Variants in CSPG4 observed in about 807,000 individuals in gnomAD.
CSPG4 encodes chondroitin sulfate proteoglycan 4 (melanoma-associated).
CSPG4 carries 74 observed loss-of-function variants against 139.3 expected under a neutral mutation model. That is an observed-to-expected ratio of 0.53 (90% CI 0.44 to 0.64). CSPG4 has a LOEUF of 0.64. CSPG4 is among the 30% of genes least tolerant of loss of function. CSPG4 has a pLI of 0.00. For missense variants in CSPG4, 2,565 were observed against 3,148.3 expected, an observed-to-expected ratio of 0.81 and a Z score of 4.43; for synonymous variants, 1,234 against 1,394.2, an observed-to-expected ratio of 0.89 and a Z score of 2.56.
At position 75,693,223 on chromosome 15, in the gene CSPG4, G is replaced by A. The variant is rs1234757339; in HGVS notation, c.99C>T (p.Phe33=). ...CAGGCACCTCCAGGTGGTTCTCACC[G>A]AAGAAGGAAGCTGTGTGAGAGAGGG... is the stretch of plus-strand genomic sequence containing the variant. ...LARLASAASF[F]GENHLEVPVA... Residue 33 remains phenylalanine (F), a synonymous_variant, in exon 2 of 10, where the codon TTC becomes TTT. Transcript: ENST00000308508. 1.1e-5 allele frequency: 17 copies of A among 1,603,624 alleles called. No homozygotes were observed. Among genetic ancestry groups the A allele is most frequent in the Non-Finnish European group, 1.4e-5 (16 of 1,175,300 alleles).
Position 75,689,762 on chromosome 15 carries a change from T to C in CSPG4, c.1303A>G (p.Ser435Gly). The C allele has an allele frequency of 6.2e-7, 1 of 1,612,598 alleles. No homozygotes were observed. Among genetic ancestry groups the C allele is most frequent in the Non-Finnish European group, 8.5e-7 (1 of 1,179,638 alleles). Residue 435 changes from serine to glycine, a missense_variant, in exon 3 of 10, where the codon AGC becomes GGC. Around this residue, in one of 5 missense-constraint regions of CSPG4, gnomAD observed 2,316 missense variants for 2,818.2 expected, o/e 0.82. Transcript: ENST00000308508. ...CCCCCCTCGGCCACCACCAGTGGGC[T>C]GATAGTCAGCAGCTGGGTGAAATTG... Reference protein sequence around the residue: ...FANFTQLLTISPLVVAEGGTA... With the variant: ...FANFTQLLTIGPLVVAEGGTA...
Position 75,684,822 on chromosome 15 carries a change from G to A in CSPG4, c.4363C>T (p.Arg1455Cys), listed in dbSNP as rs376454040. Residue 1455 changes from arginine to cysteine, a missense_variant, in exon 5 of 10, where the codon CGC (arginine) becomes TGC (cysteine). Arg to Cys is a radical substitution (Grantham distance 180). Transcript: ENST00000308508. ...VLMANASEMD[R>C]QSHPVAFTVT... ...GTGAAGGCCACAGGATGGCTCTGGCGATCCATCTCGGAGGCATTAGCCATC... is the reference window on the plus strand; with the variant it reads ...GTGAAGGCCACAGGATGGCTCTGGCAATCCATCTCGGAGGCATTAGCCATC... The A allele has an allele frequency of 2.0e-5, 32 of 1,613,600 alleles. No homozygotes were observed. Among genetic ancestry groups the A allele is most frequent in the African/African-American group, 4.0e-5 (3 of 75,040 alleles).
In CSPG4 at chr15:75,690,690, G is replaced by A. The variant is rs560964178; in HGVS notation, c.375C>T (p.Val125=). Reference sequence around the variant, plus strand: ...CTGAGGAGGCGTTCAGAAACCCATCGACTGACAACGTGGCCCAGCCCTCTA... The same window carrying A: ...CTGAGGAGGCGTTCAGAAACCCATCAACTGACAACGTGGCCCAGCCCTCTA... ...TVVEGWATLS[V]DGFLNASSAV... Residue 125 remains valine, a synonymous_variant, in exon 3 of 10, where the codon GTC becomes GTT. Coordinates refer to ENST00000308508, the MANE Select transcript of CSPG4 (RefSeq NM_001897.5). 5.6e-6 allele frequency: 9 copies of A among 1,612,944 alleles called. No homozygotes were observed. The highest frequency in any genetic ancestry group is 2.7e-5 in the African/African-American group (2 of 75,022).
rs1387126474 is a variant in CSPG4 at position 75,683,034 on chromosome 15, T to C, written c.4457A>G (p.Glu1486Gly). Residue 1486 changes from glutamate to glycine, a missense_variant, in exon 6 of 10, where the codon GAG (glutamate) becomes GGG (glycine). Around this residue, in one of 5 missense-constraint regions of CSPG4, gnomAD observed 2,316 missense variants for 2,818.2 expected, o/e 0.82. Transcript: ENST00000308508. ...CGCAGGGATGGGCGCAGTGGCCCCC[T>C]CCCACATCTGGGAACACAGGCCTGT... Reference protein sequence around the residue: ...LTTNTGLQMWEGATAPIPAEA... With the variant: ...LTTNTGLQMWGGATAPIPAEA... 1 of 1,609,660 alleles carries C rather than the reference T, an allele frequency of 6.2e-7. No individual in the cohort carries two copies. Among genetic ancestry groups the C allele is most frequent in the African/African-American group, 1.3e-5 (1 of 74,908 alleles).
chr15:75,677,668 T>C (rs557385711), intron 9 of CSPG4, 35 bp downstream of exon 9: 2 of 1,561,056 alleles, frequency 1.3e-6, no homozygotes, highest in Admixed American at 3.8e-5. Flanking sequence ...CCATTGTCCC[T>C]CCCCACAATC....
At chr15:75,691,376 G>A (rs537081834) in intron 2 of CSPG4, among the ~76,000 whole-genome samples, 5 of 152,284 alleles carry the variant, frequency 3.3e-5, no homozygotes, top group South Asian at 2.1e-4. Flanking sequence ...TGTGGTCCTC[G>A]CCCACAAGGA....
chr15:75,686,225 C>T (rs904793248), intron 3 of CSPG4, among the ~76,000 whole-genome samples: 1 of 152,224 alleles, frequency 6.6e-6, no homozygotes, highest in Non-Finnish European at 1.5e-5. Flanking sequence ...CACAGACACA[C>T]GAGTTCATCA....
chr15:75,705,870 T>C (rs980568694), intron 1 of CSPG4, among the ~76,000 whole-genome samples: 3 of 152,140 alleles, frequency 2.0e-5, no homozygotes, highest in Admixed American at 1.3e-4. Flanking sequence ...TCTGTGTGCA[T>C]ATGTGTGTGT....
chr15:75,705,571 CAGAA>C (rs753713121), intron 1 of CSPG4, among the ~76,000 whole-genome samples: 9 of 152,358 alleles, frequency 5.9e-5, no homozygotes, highest in Non-Finnish European at 1.2e-4. Flanking sequence ...AACTGAGGCT[CAGAA>C]AGACAGAGTC....
Position 75,712,668 on chromosome 15 carries a change from C to A in CSPG4, c.88G>T (p.Ala30Ser), listed in dbSNP as rs1187268182. 15 of 1,558,900 alleles carry A rather than the reference C, an allele frequency of 9.6e-6. No homozygotes were observed. Among genetic ancestry groups the A allele is most frequent in the Non-Finnish European group, 1.3e-5 (15 of 1,151,820 alleles). ...LTMLARLASA[A>S]SFFGENHLEV... ...TCGGGGTCTCAGGCCCCTCACTCAC[C>A]CGCGGATGCAAGTCTGGCCAACATA... The change falls in exon 1 of 10, where the codon GCT becomes TCT. Residue 30 changes from alanine (A) to serine (S), a missense_variant and splice_region_variant. By Grantham distance (99) the Ala-to-Ser change is moderately conservative (BLOSUM62 1). Coordinates refer to ENST00000308508, the MANE Select transcript of CSPG4 (RefSeq NM_001897.5).
chr15:75,690,628 A>G lies in CSPG4; in HGVS notation c.437T>C (p.Leu146Pro). 1.9e-6 allele frequency: 3 copies of G among 1,610,610 alleles called. No homozygotes were observed. Among genetic ancestry groups the G allele is most frequent in the Non-Finnish European group, 2.5e-6 (3 of 1,179,446 alleles). The change falls in exon 3 of 10, where the codon CTC (leucine) becomes CCC (proline). Residue 146 changes from leucine to proline, a missense_variant. Leu to Pro is a moderately conservative substitution (Grantham distance 98). This residue lies in a region of CSPG4 where 132 missense variants were observed against 132.3 expected (regional missense o/e 1.00). Coordinates refer to ENST00000308508, the MANE Select transcript of CSPG4 (RefSeq NM_001897.5). ...AAGGGTCCCAGTGCCCCCAACAAAGAGCCCATAGGGGACCTCTAGGGGGGC... is the reference window on the plus strand; with the variant it reads ...AAGGGTCCCAGTGCCCCCAACAAAGGGCCCATAGGGGACCTCTAGGGGGGC... Reference protein sequence around the residue: ...PGAPLEVPYGLFVGGTGTLGL... With the variant: ...PGAPLEVPYGPFVGGTGTLGL...
At chr15:75,691,092 TG>T (rs1406702885) in intron 2 of CSPG4, among the ~76,000 whole-genome samples, 4 of 152,172 alleles carry the variant, frequency 2.6e-5, no homozygotes, top group Non-Finnish European at 4.4e-5. Flanking sequence ...GAGAATTGCT[TG>T]AACTCGGGAG....
rs576103260 is a variant in CSPG4 at position 75,686,414 on chromosome 15, C to T, written c.3790-713G>A. Among the ~76,000 whole-genome samples the T allele has an allele frequency of 3.3e-5, 5 of 152,330 alleles. No homozygotes were observed. The South Asian group carries it at 6.2e-4, about 19-fold the overall frequency. The stretch of plus-strand genomic sequence containing the variant: ...GCCCCACCCCTCCTGGAGGCACAGC[C>T]GCCTTCAGCTCAGGCCCTACAGAGC... On this transcript the variant is annotated intron_variant, in intron 3 of 9. Coordinates refer to ENST00000308508, the MANE Select transcript of CSPG4 (RefSeq NM_001897.5).
In CSPG4 at chr15:75,687,198, C is replaced by T. The variant is rs1267010504; in HGVS notation, c.3789+78G>A. ...GCCACCACAGCCACAGCCCAAGTCA[C>T]GTGTGTTCCTGGCATGGAGGCTGGG... On this transcript the variant is annotated intron_variant, in intron 3 of 9. Coordinates refer to ENST00000308508, the MANE Select transcript of CSPG4 (RefSeq NM_001897.5). This position sits in a 1 kb window ranked among gnomAD's most constrained non-coding sequence, Gnocchi z 5.4. The T allele has an allele frequency of 3.0e-5, 46 of 1,550,000 alleles. No homozygotes were observed. The highest frequency in any genetic ancestry group is 1.0e-4 in the Admixed American group (6 of 59,772).
chr15:75,703,652 T>C (rs922946860), intron 1 of CSPG4, among the ~76,000 whole-genome samples: 1 of 149,774 alleles, frequency 6.7e-6, no homozygotes, highest in Non-Finnish European at 1.5e-5. Flanking sequence ...GGCCGGGACC[T>C]TGAGGGACAG....
chr15:75,697,189 T>A (rs1239026656), intron 1 of CSPG4, among the ~76,000 whole-genome samples: 1 of 152,188 alleles, frequency 6.6e-6, no homozygotes, highest in Non-Finnish European at 1.5e-5. Context: ...TGTCCCTGTA[T>A]CTGCCCCATC....
Position 75,687,596 on chromosome 15 carries a change from C to T in CSPG4, c.3469G>A (p.Asp1157Asn), listed in dbSNP as rs753948018. The T allele has an allele frequency of 4.3e-6, 7 of 1,610,938 alleles. No homozygotes were observed. The highest frequency in any genetic ancestry group is 1.7e-5 in the Admixed American group (1 of 59,936). The part of the protein sequence containing the change: ...TAVLHLDTNL[D>N]IRSGDEVHYH... ...TGGACCTCATCCCCACTGCGGATGT[C>T]GAGGTTGGTGTCCAGGTGGAGCACG... The change falls in exon 3 of 10, where the codon GAC (aspartate) becomes AAC (asparagine). Residue 1157 changes from aspartate to asparagine, a missense_variant. By Grantham distance (23) the Asp-to-Asn change is conservative. Transcript: ENST00000308508. This position sits in a 1 kb window ranked among gnomAD's most constrained non-coding sequence, Gnocchi z 5.4.
intron 3 of CSPG4, among the ~76,000 whole-genome samples, chr15:75,686,088 C>T (rs1260312696): frequency 6.6e-6 from 1 of 152,186 alleles, no homozygotes; most frequent in Admixed American, 6.5e-5. Flanking sequence ...TGGGGTTTCA[C>T]TGGGTTGCCC....
In CSPG4 at chr15:75,682,970, C is replaced by G. The variant is rs747238027; in HGVS notation, c.4521G>C (p.Glu1507Asp). The G allele has an allele frequency of 3.1e-6, 5 of 1,611,598 alleles. No homozygotes were observed. The highest frequency in any genetic ancestry group is 4.2e-6 in the Non-Finnish European group (5 of 1,179,706). Residue 1507 changes from glutamate to aspartate, a missense_variant, in exon 6 of 10, where the codon GAG (glutamate) becomes GAC (aspartate). Transcript: ENST00000308508. ...GCTGCTCGATGGTGTAGACCAGATC[C>G]TCAGACCCAGAGTCGCCGTCCGTGC... is the stretch of plus-strand genomic sequence containing the variant. ...LRSTDGDSGSEDLVYTIEQPS... is the reference protein window; with the variant it reads ...LRSTDGDSGSDDLVYTIEQPS...
Sources: gnomAD v4.1 joint callset for allele counts (sites outside exome capture counted in the v4.1 genomes callset) on GRCh38, gnomAD v4.1.1 for gene constraint, gnomAD v4.1.1 regional missense constraint, Gnocchi (gnomAD v3.1) non-coding constraint, MANE v1.5 for transcripts, NCBI Gene and HGNC (gene_info 2026-07-23, HGNC 2026-07-21) for gene names.